Variants in COL22A1 observed in about 807,000 individuals in gnomAD.
The protein encoded by COL22A1 is collagen type XXII alpha 1 chain.
In COL22A1, 221 loss-of-function variants were observed where a neutral mutation model predicts 248.9. That is an observed-to-expected ratio of 0.89 (90% CI 0.80 to 0.99). The LOEUF is 0.99. COL22A1 is among the 50% of genes least tolerant of loss of function. COL22A1 has a pLI of 0.00. For synonymous variants in COL22A1, 891 were observed against 793.4 expected, an observed-to-expected ratio of 1.12 and a Z score of -2.07; for missense variants, 2,240 against 2,179.0, an observed-to-expected ratio of 1.03 and a Z score of -0.56.
At chr8:138,861,345 G>C (rs1822441101) in intron 3 of COL22A1, among the ~76,000 whole-genome samples, 1 of 152,198 alleles carries the variant, frequency 6.6e-6, no homozygotes, top group Non-Finnish European at 1.5e-5. Context: ...TGAACTTACA[G>C]AGGGCTTAAC....
chr8:138,742,675 CACGATGGTGATG>C lies in COL22A1; in HGVS notation c.2086-5110_2086-5099del, dbSNP rs1373338072. Among the ~76,000 whole-genome samples the C allele has an allele frequency of 3.7e-5, 3 of 82,042 alleles. No individual in the cohort carries two copies. In the East Asian group the frequency reaches 1.0e-3, roughly 28 times the overall value. 53.8% of individuals were successfully genotyped at this position (82,042 alleles called of 152,430 possible). Reference sequence around the variant, plus strand: ...AGTTGATGGTGATGGTGGTAGTGATCACGATGGTGATGGTGGAGTTGATGGTGATGATGATGG... The same window carrying C: ...AGTTGATGGTGATGGTGGTAGTGATCGTGGAGTTGATGGTGATGATGATGG... On this transcript the variant is annotated intron_variant, in intron 22 of 64. Coordinates refer to ENST00000303045, the MANE Select transcript of COL22A1 (RefSeq NM_152888.3).
At position 138,660,488 on chromosome 8, in the gene COL22A1, A is replaced by T. The variant is rs763319331; in HGVS notation, c.3241-8T>A. The T allele has an allele frequency of 5.0e-6, 8 of 1,613,380 alleles. No homozygotes were observed. Among genetic ancestry groups the T allele is most frequent in the Non-Finnish European group, 5.1e-6 (6 of 1,179,356 alleles). Reference sequence around the variant, plus strand: ...TGGATTTCCTGGTGCACCCTAAGAGAAGAAGGAAATAAAACATTAACTGTG... The same window carrying T: ...TGGATTTCCTGGTGCACCCTAAGAGTAGAAGGAAATAAAACATTAACTGTG... On this transcript the variant is annotated splice_polypyrimidine_tract_variant and splice_region_variant and intron_variant, in intron 43 of 64. Coordinates refer to ENST00000303045, the MANE Select transcript of COL22A1 (RefSeq NM_152888.3).
intron 3 of COL22A1, among the ~76,000 whole-genome samples, chr8:138,867,241 A>T (rs1024599910): frequency 6.6e-6 from 1 of 152,110 alleles, no homozygotes; most frequent in East Asian, 1.9e-4. Flanking sequence ...TTTGGGCTGT[A>T]GTTTGCTGTC....
chr8:138,806,062 G>GT (rs796503279), intron 10 of COL22A1, among the ~76,000 whole-genome samples: 55 of 96,590 alleles, frequency 5.7e-4, no homozygotes, highest in African/African-American at 1.3e-3. Flanking sequence ...AATGGTGTGT[G>GT]GTGGTGTGTG....
chr8:138,796,756 C>T (rs1816573903), intron 12 of COL22A1, 63 bp downstream of exon 12: 1 of 1,099,476 alleles, frequency 9.1e-7, no homozygotes, highest in Admixed American at 1.7e-5. Context: ...GCACACACCT[C>T]CCCCAAACCT....
chr8:138,716,222 C>G lies in COL22A1; in HGVS notation c.2463+5G>C, dbSNP rs946723887. On this transcript the variant is annotated splice_donor_5th_base_variant and intron_variant, in intron 29 of 64. Transcript: ENST00000303045. ...GTGTGGGAGGAAGGAAGCTGCCACA[C>G]TTACCTGGTCTCCTTTCTCTCCTCT... 3 of 1,579,264 alleles carry G rather than the reference C, an allele frequency of 1.9e-6. No individual in the cohort carries two copies. The African/African-American group carries it at 4.0e-5, about 21-fold the overall frequency.
At position 138,647,911 on chromosome 8, in the gene COL22A1, G is replaced by A. The variant is rs371051602; in HGVS notation, c.3448-1229C>T. ...ATGCCACCCTGACAGCCTCTGCACT[G>A]ATATCAAGAATCTTTGAGGTTAAGA... is the stretch of plus-strand genomic sequence containing the variant. On this transcript the variant is annotated intron_variant, in intron 46 of 64. Coordinates refer to ENST00000303045, the MANE Select transcript of COL22A1 (RefSeq NM_152888.3). Among the ~76,000 whole-genome samples the A allele has an allele frequency of 1.3e-4, 20 of 152,208 alleles. No individual in the cohort carries two copies. In the East Asian group the frequency reaches 3.9e-3, roughly 29 times the overall value.
intron 47 of COL22A1, among the ~76,000 whole-genome samples, chr8:138,643,663 T>TAGACAGACAGACAGACAGACAGAC (rs1033791164): frequency 1.4e-5 from 2 of 143,596 alleles, no homozygotes; most frequent in African/African-American, 5.8e-5. Context: ...GATAGATAGA[T>TAGACAGACAGACAGACAGACAGAC]AGACAGATAG....
In COL22A1 at chr8:138,649,685, C is replaced by G. The variant is rs777675120; in HGVS notation, c.3427G>C (p.Glu1143Gln). 4.3e-6 allele frequency: 7 copies of G among 1,613,312 alleles called. No individual in the cohort carries two copies. Among genetic ancestry groups the G allele is most frequent in the Non-Finnish European group, 5.9e-6 (7 of 1,179,750 alleles). ...DKGVPGKPGREGTEGKKGEAG... is the reference protein window; with the variant it reads ...DKGVPGKPGRQGTEGKKGEAG... ...CTTACCTTTTTCCCTTCTGTGCCTT[C>G]TCTCCCTGGCTTTCCTGGGACACCT... Residue 1143 changes from glutamate to glutamine, a missense_variant, in exon 46 of 65, where the codon GAA becomes CAA. Physicochemically the swap from Glu to Gln is conservative, Grantham distance 29. Transcript: ENST00000303045.
intron 2 of COL22A1, among the ~76,000 whole-genome samples, chr8:138,882,741 C>G (rs1425468165): frequency 2.6e-5 from 4 of 151,362 alleles, no homozygotes; most frequent in Non-Finnish European, 5.9e-5. Flanking sequence ...CTTCCTCAAA[C>G]TCACACACAT....
Position 138,833,039 on chromosome 8 carries a change from T to C in COL22A1, c.845A>G (p.Glu282Gly), listed in dbSNP as rs367754018. The change falls in exon 5 of 65, where the codon GAG (glutamate) becomes GGG (glycine). Residue 282 changes from glutamate (E) to glycine (G), a missense_variant and splice_region_variant. By Grantham distance (98) the Glu-to-Gly change is moderately conservative (BLOSUM62 -2). Transcript: ENST00000303045. The stretch of plus-strand genomic sequence containing the variant: ...TCTGGAAAGAGAAGTGGCCACTCAC[T>C]CAGTACTTTGCACCACAGGGAAGGA... ...MGSFPVVQST[E>G]DVFPQGLPDE... The C allele has an allele frequency of 4.4e-6, 7 of 1,598,078 alleles. No homozygotes were observed. The African/African-American group carries it at 8.0e-5, about 18-fold the overall frequency.
chr8:138,725,297 C>A, intron 24 of COL22A1, 90 bp downstream of exon 24: 3 of 1,317,890 alleles, frequency 2.3e-6, no homozygotes, highest in Non-Finnish European at 3.3e-6. Flanking sequence ...GGATAAAAGA[C>A]AAGAGGCCAT....
intron 3 of COL22A1, among the ~76,000 whole-genome samples, chr8:138,867,950 A>G (rs1293221337): frequency 1.3e-5 from 2 of 152,126 alleles, no homozygotes; most frequent in Admixed American, 6.6e-5. Flanking sequence ...TTTTTAGTAC[A>G]GACAGGGTTT....
chr8:138,838,296 G>A (rs548594311), intron 4 of COL22A1, among the ~76,000 whole-genome samples: 2 of 152,234 alleles, frequency 1.3e-5, no homozygotes, highest in African/African-American at 2.4e-5. Context: ...ACTCAGAGGA[G>A]GCTCACAGGT....
At chr8:138,798,169 C>G (rs1816710815) in intron 11 of COL22A1, among the ~76,000 whole-genome samples, 1 of 151,362 alleles carries the variant, frequency 6.6e-6, no homozygotes, top group South Asian at 2.1e-4. Context: ...ATCTTTGAAT[C>G]TAAAGTATGT....
chr8:138,688,089 TA>T (rs200227996), intron 37 of COL22A1, among the ~76,000 whole-genome samples: 1,947 of 152,186 alleles, frequency 0.013, 21 homozygotes, highest in Non-Finnish European at 0.018. Context: ...TGTCACCAAT[TA>T]ACCTCAGAGA....
chr8:138,835,681 A>G (rs1820376977), intron 4 of COL22A1, among the ~76,000 whole-genome samples: 1 of 152,202 alleles, frequency 6.6e-6, no homozygotes, highest in Non-Finnish European at 1.5e-5. Flanking sequence ...GGTCCCTGGT[A>G]GAGACTGTGT....
intron 64 of COL22A1, 27 bp downstream of exon 64, chr8:138,591,397 C>T (rs371441656): frequency 1.3e-5 from 20 of 1,546,374 alleles, no homozygotes; most frequent in Admixed American, 5.7e-5. Flanking sequence ...TCACACCCTA[C>T]CCCTGAGACT....
chr8:138,739,408 C>T (rs1376290697), intron 22 of COL22A1, among the ~76,000 whole-genome samples: 3 of 152,192 alleles, frequency 2.0e-5, no homozygotes, highest in Admixed American at 6.5e-5. Flanking sequence ...TCCTGAAATG[C>T]TCCTTTAACT....
Sources: gnomAD v4.1 joint callset for allele counts (sites outside exome capture counted in the v4.1 genomes callset) on GRCh38, gnomAD v4.1.1 for gene constraint, MANE v1.5 for transcripts, NCBI Gene and HGNC (gene_info 2026-07-23, HGNC 2026-07-21) for gene names.